TENT4B: variants seen among roughly 807,000 people sequenced by gnomAD.
TENT4B encodes the protein PAP associated domain containing 5.
A neutral mutation model predicts 75.0 loss-of-function variants in TENT4B; 10 were observed. The observed-to-expected ratio is 0.13, with a 90% CI of 0.08 to 0.23. The LOEUF (loss-of-function observed/expected upper bound fraction) is 0.23, where lower values mean the gene tolerates loss of function less well. Ranked by LOEUF, TENT4B falls within the 10% of genes least tolerant of loss-of-function variation. TENT4B has a pLI of 1.00. For missense variants in TENT4B, 579 were observed against 893.8 expected, an observed-to-expected ratio of 0.65 and a Z score of 4.49; for synonymous variants, 350 against 357.7, an observed-to-expected ratio of 0.98 and a Z score of 0.24.
At chr16:50,155,466 TGAGA>T (rs1435642131) in intron 1 of TENT4B, among the ~76,000 whole-genome samples, 3 of 152,262 alleles carry the variant, frequency 2.0e-5, no homozygotes, top group South Asian at 2.1e-4. Context: ...CTGCTTTGGC[TGAGA>T]GAGAGAGTTC....
Position 50,227,970 on chromosome 16 carries a change from C to T in TENT4B, c.1932C>T (p.Thr644=). Residue 644 remains threonine, a synonymous_variant, in exon 11 of 12, where the codon ACC becomes ACT. Coordinates refer to ENST00000561678, the MANE Select transcript of TENT4B (RefSeq NM_001365324.3). Reference sequence around the variant, plus strand: ...TTGGGAAAATGCAAAGCACCCAAACCACTAACACATCCAACAGCACCAACA... The same window carrying T: ...TTGGGAAAATGCAAAGCACCCAAACTACTAACACATCCAACAGCACCAACA... ...QAVGKMQSTQ[T]TNTSNSTNKS... 6.2e-7 allele frequency: 1 copy of T among 1,613,984 alleles called. No individual in the cohort carries two copies. The highest frequency in any genetic ancestry group is 8.5e-7 in the Non-Finnish European group (1 of 1,179,894).
chr16:50,176,423 A>T (rs1274457227), intron 1 of TENT4B, among the ~76,000 whole-genome samples: 1 of 151,566 alleles, frequency 6.6e-6, no homozygotes, highest in African/African-American at 2.4e-5. Context: ...TGAAAAAAAA[A>T]TCCACATATA....
intron 1 of TENT4B, among the ~76,000 whole-genome samples, chr16:50,192,662 G>A (rs1166406703): frequency 6.6e-6 from 1 of 152,118 alleles, no homozygotes; most frequent in Admixed American, 6.5e-5. Flanking sequence ...AACTGAGAAA[G>A]CCATTGACAA....
intron 1 of TENT4B, among the ~76,000 whole-genome samples, chr16:50,200,617 A>T (rs1003281759): frequency 6.6e-6 from 1 of 151,948 alleles, no homozygotes; most frequent in Non-Finnish European, 1.5e-5. Flanking sequence ...TTAATCAATG[A>T]TATATGACAT....
Position 50,217,039 on chromosome 16 carries a change from T to C in TENT4B, c.931-517T>C, listed in dbSNP as rs185088535. On this transcript the variant is annotated intron_variant, in intron 4 of 11. Transcript: ENST00000561678. ...ACACCTTAAGAATCCAGCAATTTTC[T>C]TATTAGAAACAGTTTGATGATACAA... 1.6e-4 allele frequency among the ~76,000 whole-genome samples: 25 copies of C among 152,300 alleles called. No individual in the cohort carries two copies. In the East Asian group the frequency reaches 4.6e-3, roughly 28 times the overall value.
intron 3 of TENT4B, 54 bp from the exon 4 acceptor site, chr16:50,216,021 T>G (rs1350279734): frequency 6.2e-7 from 1 of 1,607,870 alleles, no homozygotes; most frequent in East Asian, 2.2e-5. Context: ...GAGTGTCAGT[T>G]AAAACAAGTT....
chr16:50,199,830 G>A (rs986437389), intron 1 of TENT4B, among the ~76,000 whole-genome samples: 1 of 152,190 alleles, frequency 6.6e-6, no homozygotes, highest in Non-Finnish European at 1.5e-5. Context: ...AAGACAGGGT[G>A]TCATTGTGTT....
intron 10 of TENT4B, among the ~76,000 whole-genome samples, chr16:50,227,104 A>G (rs988560462): frequency 1.3e-5 from 2 of 152,244 alleles, no homozygotes; most frequent in African/African-American, 4.8e-5. Context: ...ATGAAAAGTA[A>G]TCTAAATATT....
intron 11 of TENT4B, among the ~76,000 whole-genome samples, chr16:50,228,683 A>G (rs1288204355): frequency 1.3e-5 from 2 of 152,236 alleles, no homozygotes; most frequent in African/African-American, 4.8e-5. Context: ...TGTATGCCAG[A>G]CACAGACTTA....
At chr16:50,171,616 G>T (rs2038208142) in intron 1 of TENT4B, among the ~76,000 whole-genome samples, 1 of 152,114 alleles carries the variant, frequency 6.6e-6, no homozygotes, top group Non-Finnish European at 1.5e-5. Flanking sequence ...ACACAGGCTG[G>T]ATCTGTATGG....
In TENT4B at chr16:50,229,653, T is replaced by C. The variant is rs2032212586; in HGVS notation, c.*325T>C. 1 of 1,033,586 alleles carries C rather than the reference T, an allele frequency of 9.7e-7. No homozygotes were observed. The highest frequency in any genetic ancestry group is 5.8e-5 in the Admixed American group (1 of 17,324). 64.0% of individuals were successfully genotyped at this position (1,033,586 alleles called of 1,614,324 possible). ...TTCTCATTGGCTTTATGCAGAGTTA[T>C]AGGGAATAGTATTCAGTGTTGGTAG... is the stretch of plus-strand genomic sequence containing the variant. On this transcript the variant is annotated 3_prime_UTR_variant, in exon 12 of 12. Transcript: ENST00000561678.
At chr16:50,163,417 C>CTT (rs559720798) in intron 1 of TENT4B, among the ~76,000 whole-genome samples, 24 of 132,958 alleles carry the variant, frequency 1.8e-4, no homozygotes, top group East Asian at 6.4e-4. Flanking sequence ...GATATAATTT[C>CTT]TTTTTTTTTT....
intron 1 of TENT4B, among the ~76,000 whole-genome samples, chr16:50,204,800 C>T (rs2030855476): frequency 6.6e-6 from 1 of 152,128 alleles, no homozygotes; most frequent in Non-Finnish European, 1.5e-5. Context: ...TATAAATAAT[C>T]CCAGAAAGGA....
rs1274706929 is a variant in TENT4B, at chr16:50,225,199, T to G, written c.1714T>G (p.Ser572Ala). The G allele has an allele frequency of 1.2e-6, 2 of 1,613,884 alleles. No homozygotes were observed. The highest frequency in any genetic ancestry group is 1.7e-6 in the Non-Finnish European group (2 of 1,179,890). ...EALGKCRSKT[S>A]ESLSKHSSNS... ...CCTTGGAAAATGTAGAAGTAAAACC[T>G]CGGAATCTCTTAGTAAACACTCTTC... Residue 572 changes from serine to alanine, a missense_variant, in exon 10 of 12, where the codon TCG (serine) becomes GCG (alanine). Physicochemically the swap from Ser to Ala is moderately conservative, Grantham distance 99 (BLOSUM62 1). Around this residue, in one of 7 missense-constraint regions of TENT4B, gnomAD observed 164 missense variants for 226.5 expected, o/e 0.72. Coordinates refer to ENST00000561678, the MANE Select transcript of TENT4B (RefSeq NM_001365324.3).
chr16:50,235,244 AC>A lies in TENT4B; in HGVS notation c.*5918del, dbSNP rs2032412517. 1 of 159,822 alleles carries A rather than the reference AC, an allele frequency of 6.3e-6. No homozygotes were observed. Among genetic ancestry groups the A allele is most frequent in the African/African-American group, 2.4e-5 (1 of 41,570 alleles). 9.9% of individuals were successfully genotyped at this position (159,822 alleles called of 1,614,324 possible). On this transcript the variant is annotated 3_prime_UTR_variant, in exon 12 of 12. Coordinates refer to ENST00000561678, the MANE Select transcript of TENT4B (RefSeq NM_001365324.3). ...CTATGCACATCGGCCTCTAGTGCTT[AC>A]CACTCGGTTTATTATTCATAATCTG...
At position 50,231,044 on chromosome 16, in the gene TENT4B, AAAGT is replaced by A. The variant is rs2032277204; in HGVS notation, c.*1720_*1723del. 3.2e-6 allele frequency: 3 copies of A among 945,838 alleles called. No homozygotes were observed. The highest frequency in any genetic ancestry group is 1.1e-4 in the East Asian group (1 of 8,828). 58.6% of individuals were successfully genotyped at this position (945,838 alleles called of 1,614,324 possible). ...AACTTTTTATAAAGAAAATAATGCT[AAAGT>A]AAGACCAAAACTGATGTCATCACTG... is the stretch of plus-strand genomic sequence containing the variant. On this transcript the variant is annotated 3_prime_UTR_variant, in exon 12 of 12. Transcript: ENST00000561678.
chr16:50,184,489 A>C (rs909295077), intron 1 of TENT4B, among the ~76,000 whole-genome samples: 13 of 152,040 alleles, frequency 8.6e-5, no homozygotes, highest in African/African-American at 3.1e-4. Context: ...TAACACGGTG[A>C]AACCCCGTCT....
At chr16:50,193,331 GT>G (rs774084083) in intron 1 of TENT4B, among the ~76,000 whole-genome samples, 29 of 101,490 alleles carry the variant, frequency 2.9e-4, no homozygotes, top group Admixed American at 4.8e-4. Flanking sequence ...AGTTCCTGGA[GT>G]TTTTTTTTTT....
rs1371729005 is a variant in TENT4B at position 50,222,447 on chromosome 16, G to GGT, written c.1167+14_1167+15dup. On this transcript the variant is annotated intron_variant, in intron 6 of 11. Coordinates refer to ENST00000561678, the MANE Select transcript of TENT4B (RefSeq NM_001365324.3). ...CAGTTTCCTTCAGGTAAGTCATATGGGTATAGCATGCTAGTGCACACTAAA... is the reference window on the plus strand; with the variant it reads ...CAGTTTCCTTCAGGTAAGTCATATGGGTGTATAGCATGCTAGTGCACACTAAA... The GGT allele has an allele frequency of 6.2e-7, 1 of 1,611,772 alleles. No homozygotes were observed. Among genetic ancestry groups the GGT allele is most frequent in the Non-Finnish European group, 8.5e-7 (1 of 1,179,168 alleles).
Sources: gnomAD v4.1 joint callset for allele counts (sites outside exome capture counted in the v4.1 genomes callset) on GRCh38, gnomAD v4.1.1 for gene constraint, gnomAD v4.1.1 regional missense constraint, MANE v1.5 for transcripts, NCBI Gene and HGNC (gene_info 2026-07-23, HGNC 2026-07-21) for gene names.